NCOA1: variants seen among roughly 807,000 people sequenced by gnomAD.
The protein encoded by NCOA1 is nuclear receptor coactivator 1.
A neutral mutation model predicts 150.9 loss-of-function variants in NCOA1; 35 were observed. That is an observed-to-expected ratio of 0.23 (90% CI 0.18 to 0.31). The LOEUF (loss-of-function observed/expected upper bound fraction) is 0.31, where lower values mean the gene tolerates loss of function less well. Among genes scored for constraint, NCOA1 ranks in the 10% least tolerant of loss-of-function variants. The pLI is 1.00. For synonymous variants in NCOA1, 590 were observed against 630.0 expected (o/e 0.94, Z 0.95); for missense variants, 1,491 against 1,749.3 (o/e 0.85, Z 2.63).
chr2:24,582,074 C>G (rs1667214942), intron 2 of NCOA1, among the ~76,000 whole-genome samples: 1 of 152,130 alleles, frequency 6.6e-6, no homozygotes, highest in Admixed American at 6.5e-5. Flanking sequence ...TTTCATCACT[C>G]TTATTCAACA....
intron 19 of NCOA1, among the ~76,000 whole-genome samples, chr2:24,746,356 G>A (rs1017553626): frequency 1.3e-5 from 2 of 152,032 alleles, no homozygotes; most frequent in Admixed American, 6.6e-5. Flanking sequence ...CAGCCTGGCC[G>A]ACATGGCGAA....
chr2:24,618,174 T>G (rs1572498122), intron 3 of NCOA1, among the ~76,000 whole-genome samples: 1 of 152,206 alleles, frequency 6.6e-6, no homozygotes, highest in African/African-American at 2.4e-5. Flanking sequence ...AATTCACACA[T>G]GCAGACAATT....
chr2:24,763,288 C>T (rs2148701460), intron 22 of NCOA1, among the ~76,000 whole-genome samples: 1 of 152,080 alleles, frequency 6.6e-6, no homozygotes, highest in Non-Finnish European at 1.5e-5. Flanking sequence ...GCCTGTAATC[C>T]CAGCACTTTG....
chr2:24,668,401 A>T (rs1671529155), intron 6 of NCOA1, among the ~76,000 whole-genome samples: 1 of 151,994 alleles, frequency 6.6e-6, no homozygotes, highest in Admixed American at 6.6e-5. Flanking sequence ...ATTTCAGAAC[A>T]CCAGGGAGAT....
At chr2:24,739,318 C>A (rs1183921043) in intron 17 of NCOA1, 114 bp from the exon 18 acceptor site, 2 of 727,552 alleles carry the variant, frequency 2.7e-6, no homozygotes, top group Non-Finnish European at 4.7e-6. Flanking sequence ...ATAATCTAAC[C>A]AAACCTGCAA....
chr2:24,500,349 C>T (rs568033778), intron 1 of NCOA1, among the ~76,000 whole-genome samples: 8 of 152,160 alleles, frequency 5.3e-5, no homozygotes, highest in Admixed American at 1.3e-4. Flanking sequence ...CTCGGGTGAT[C>T]CGCCCGCCTT....
intron 1 of NCOA1, among the ~76,000 whole-genome samples, chr2:24,496,738 C>CT (rs1231996161): frequency 6.6e-5 from 10 of 152,292 alleles, no homozygotes; most frequent in East Asian, 1.9e-4. Context: ...GCTGAGCAGA[C>CT]TAAGTCCATG....
chr2:24,762,583 T>C, intron 21 of NCOA1, 104 bp from the exon 22 acceptor site: 1 of 944,228 alleles, frequency 1.1e-6, no homozygotes, highest in Non-Finnish European at 1.7e-6. Flanking sequence ...ATTTTTGCTG[T>C]GCTCCTATTA....
chr2:24,501,444 A>G (rs1021881603), intron 1 of NCOA1, among the ~76,000 whole-genome samples: 4 of 152,186 alleles, frequency 2.6e-5, no homozygotes, highest in Admixed American at 1.3e-4. Flanking sequence ...TAATAACAAT[A>G]TTAGGAAAAG....
chr2:24,646,776 T>C (rs1490313864), intron 4 of NCOA1, among the ~76,000 whole-genome samples: 2 of 151,672 alleles, frequency 1.3e-5, no homozygotes, highest in Non-Finnish European at 2.9e-5. Flanking sequence ...GGATAAAGTC[T>C]GTTGGAACAA....
At chr2:24,681,927 G>T (rs1672196264) in intron 7 of NCOA1, among the ~76,000 whole-genome samples, 2 of 152,098 alleles carry the variant, frequency 1.3e-5, no homozygotes, top group South Asian at 4.1e-4. Flanking sequence ...TGTTGGCCAG[G>T]ATGGTCTCCA....
rs56176673 is a variant in NCOA1, at chr2:24,628,302, GAAA to G, written c.-174-15650_-174-15648del. Among the ~76,000 whole-genome samples the G allele has an allele frequency of 4.2e-5, 6 of 141,860 alleles. No individual in the cohort carries two copies. In the South Asian group the frequency reaches 6.7e-4, roughly 16 times the overall value. 93.1% of individuals were successfully genotyped at this position (141,860 alleles called of 152,430 possible). On this transcript the variant is annotated intron_variant, in intron 3 of 22. Coordinates refer to ENST00000348332, the MANE Select transcript of NCOA1 (RefSeq NM_003743.5). ...GTGACAAAAGCGAAACTCCATCTCA[GAAA>G]AAAAAAAAAAAAATCTGTTATGTAC...
At chr2:24,673,595 A>C (rs1671776316) in intron 7 of NCOA1, 132 bp downstream of exon 7, 3 of 536,026 alleles carry the variant, frequency 5.6e-6, no homozygotes, top group African/African-American at 2.0e-5. Context: ...TAATTATTTT[A>C]TTATGAGAAC....
At chr2:24,517,995 TACTA>T (rs1303383124) in intron 1 of NCOA1, among the ~76,000 whole-genome samples, 1 of 152,200 alleles carries the variant, frequency 6.6e-6, no homozygotes, top group East Asian at 1.9e-4. Flanking sequence ...TAGATATTCT[TACTA>T]TGTGTTTTTG....
At chr2:24,634,443 T>C (rs1669841843) in intron 3 of NCOA1, among the ~76,000 whole-genome samples, 3 of 152,234 alleles carry the variant, frequency 2.0e-5, no homozygotes, top group African/African-American at 7.2e-5. Context: ...TTACTCCTTC[T>C]ATGTGTTAGG....
At chr2:24,504,593 A>G (rs1449086313) in intron 1 of NCOA1, among the ~76,000 whole-genome samples, 1 of 152,230 alleles carries the variant, frequency 6.6e-6, no homozygotes, top group African/African-American at 2.4e-5. Flanking sequence ...TTTTATTATT[A>G]AATTTATTTG....
At chr2:24,750,219 C>T (rs1664146652) in intron 19 of NCOA1, among the ~76,000 whole-genome samples, 1 of 152,176 alleles carries the variant, frequency 6.6e-6, no homozygotes, top group Non-Finnish European at 1.5e-5. Flanking sequence ...TGCAGAATTT[C>T]AGCATGCTTT....
At chr2:24,512,747 T>C (rs1663986761) in intron 1 of NCOA1, among the ~76,000 whole-genome samples, 1 of 152,230 alleles carries the variant, frequency 6.6e-6, no homozygotes, top group Non-Finnish European at 1.5e-5. Context: ...GAAACCCCTC[T>C]CTAACAAGAG....
At chr2:24,531,927 G>A (rs561421731) in intron 1 of NCOA1, among the ~76,000 whole-genome samples, 4 of 152,290 alleles carry the variant, frequency 2.6e-5, no homozygotes, top group African/African-American at 9.6e-5. Context: ...ACGTGTGCAT[G>A]TGTCTTTATA....
Sources: gnomAD v4.1 joint callset for allele counts (sites outside exome capture counted in the v4.1 genomes callset) on GRCh38, gnomAD v4.1.1 for gene constraint, MANE v1.5 for transcripts, NCBI Gene and HGNC (gene_info 2026-07-23, HGNC 2026-07-21) for gene names.